Variants in LGR5 observed in about 807,000 individuals in gnomAD.
LGR5 encodes leucine rich repeat containing G protein-coupled receptor 5.
A neutral mutation model predicts 76.7 loss-of-function variants in LGR5; 54 were observed. That is an observed-to-expected ratio of 0.70 (90% CI 0.57 to 0.88). The LOEUF is 0.88. LGR5 is among the 40% of genes least tolerant of loss of function. The pLI is 0.00. For missense variants in LGR5, 1,078 were observed against 1,073.3 expected, an observed-to-expected ratio of 1.00 and a Z score of -0.06; for synonymous variants, 406 against 421.9, an observed-to-expected ratio of 0.96 and a Z score of 0.46.
intron 16 of LGR5, chr12:71,582,186 C>T: frequency 5.5e-6 from 2 of 364,482 alleles, no homozygotes; most frequent in East Asian, 5.0e-5. Context: ...ACATCATGAG[C>T]TGCAGGGAAC....
At chr12:71,514,930 G>A (rs747980696) in intron 2 of LGR5, among the ~76,000 whole-genome samples, 5 of 152,086 alleles carry the variant, frequency 3.3e-5, no homozygotes, top group Admixed American at 6.6e-5. Flanking sequence ...TCTCAAATGG[G>A]GAGAAAATTA....
intron 16 of LGR5, among the ~76,000 whole-genome samples, chr12:71,580,761 C>G (rs1195752751): frequency 6.6e-6 from 1 of 151,974 alleles, no homozygotes; most frequent in African/African-American, 2.4e-5. Flanking sequence ...GAGCTGAGAT[C>G]ACGCCACTGC....
intron 2 of LGR5, among the ~76,000 whole-genome samples, chr12:71,519,729 G>A (rs1399765557): frequency 6.6e-6 from 1 of 152,100 alleles, no homozygotes; most frequent in African/African-American, 2.4e-5. Context: ...GTGGGGCTGA[G>A]GCAGGAAGAT....
Position 71,577,997 on chromosome 12 carries a change from G to A in LGR5, c.1280+1G>A. On this transcript the variant is annotated splice_donor_variant, in intron 14 of 17. Transcript: ENST00000266674. LOFTEE classifies it high-confidence loss of function. ...CCACTTTGCCATCCCTAATAAAGCT[G>A]TGAGTATTCCACAACTTGTTTATGG... The A allele has an allele frequency of 6.2e-7, 1 of 1,605,238 alleles. No individual in the cohort carries two copies. Among genetic ancestry groups the A allele is most frequent in the Non-Finnish European group, 8.5e-7 (1 of 1,172,030 alleles).
chr12:71,498,052 G>C (rs910915715), intron 1 of LGR5, among the ~76,000 whole-genome samples: 30 of 152,128 alleles, frequency 2.0e-4, no homozygotes, highest in East Asian at 5.8e-4. Flanking sequence ...AGAAAAGAAG[G>C]GGGGAGCAGA....
chr12:71,458,121 T>G (rs928973340), intron 1 of LGR5, among the ~76,000 whole-genome samples: 1 of 152,184 alleles, frequency 6.6e-6, no homozygotes, highest in South Asian at 2.1e-4. Context: ...AATCTACTAT[T>G]TAGTGTTACT....
chr12:71,449,552 C>T (rs2137205655), intron 1 of LGR5, among the ~76,000 whole-genome samples: 1 of 152,268 alleles, frequency 6.6e-6, no homozygotes, highest in African/African-American at 2.4e-5. Flanking sequence ...GTCCACCTTC[C>T]ACCTCCCAGC....
intron 1 of LGR5, among the ~76,000 whole-genome samples, chr12:71,479,768 AG>A (rs1201759710): frequency 6.6e-6 from 1 of 152,228 alleles, no homozygotes; most frequent in East Asian, 1.9e-4. Flanking sequence ...GAGAAAGGAA[AG>A]GGCTTGGGGT....
chr12:71,561,561 T>C (rs1034375574), intron 7 of LGR5, among the ~76,000 whole-genome samples: 1 of 152,212 alleles, frequency 6.6e-6, no homozygotes, highest in Non-Finnish European at 1.5e-5. Context: ...CAGTTATTAT[T>C]TTCAGATTCT....
chr12:71,493,715 C>A (rs1874179627), intron 1 of LGR5, among the ~76,000 whole-genome samples: 2 of 150,504 alleles, frequency 1.3e-5, no homozygotes, highest in East Asian at 3.9e-4. Flanking sequence ...CTTACTGTTG[C>A]CCTCAATTTA....
chr12:71,487,339 T>C (rs1873872958), intron 1 of LGR5, among the ~76,000 whole-genome samples: 1 of 152,194 alleles, frequency 6.6e-6, no homozygotes, highest in South Asian at 2.1e-4. Flanking sequence ...AAAGTATTAA[T>C]TTTATACAGT....
At chr12:71,447,767 G>A (rs1485736126) in intron 1 of LGR5, among the ~76,000 whole-genome samples, 4 of 152,190 alleles carry the variant, frequency 2.6e-5, no homozygotes, top group African/African-American at 4.8e-5. Context: ...GTGAAGGGCC[G>A]ACCCTTTACA....
At chr12:71,520,357 TAGAC>T (rs1565715471) in intron 2 of LGR5, among the ~76,000 whole-genome samples, 1 of 152,054 alleles carries the variant, frequency 6.6e-6, no homozygotes, top group African/African-American at 2.4e-5. Flanking sequence ...AGCAAGTTCA[TAGAC>T]AGAGGATGTA....
chr12:71,538,604 G>A (rs1381052302), intron 4 of LGR5, among the ~76,000 whole-genome samples: 1 of 152,178 alleles, frequency 6.6e-6, no homozygotes, highest in African/African-American at 2.4e-5. Context: ...CATTCCCTCA[G>A]ATGATCTGCA....
intron 1 of LGR5, among the ~76,000 whole-genome samples, chr12:71,485,228 G>T (rs531465688): frequency 7.9e-5 from 12 of 152,270 alleles, no homozygotes; most frequent in Admixed American, 1.3e-4. Context: ...ACTAGGTATT[G>T]TTTTAAGTAC....
At chr12:71,510,055 A>AT (rs1374095755) in intron 2 of LGR5, among the ~76,000 whole-genome samples, 2 of 152,052 alleles carry the variant, frequency 1.3e-5, no homozygotes, top group African/African-American at 4.8e-5. Flanking sequence ...GTCTTTTGAG[A>AT]TTTTTTTCTT....
intron 4 of LGR5, among the ~76,000 whole-genome samples, chr12:71,540,257 G>C (rs1171482002): frequency 6.6e-6 from 1 of 152,178 alleles, no homozygotes; most frequent in African/African-American, 2.4e-5. Flanking sequence ...GCATATTCAT[G>C]TTTGTCCAGA....
intron 1 of LGR5, among the ~76,000 whole-genome samples, chr12:71,490,634 C>G (rs1874026794): frequency 6.6e-6 from 1 of 152,098 alleles, no homozygotes; most frequent in African/African-American, 2.4e-5. Context: ...TCTAATTTAG[C>G]TGCTGCTGCA....
chr12:71,444,187 A>C (rs1485185608), intron 1 of LGR5, among the ~76,000 whole-genome samples: 2 of 152,104 alleles, frequency 1.3e-5, no homozygotes, highest in African/African-American at 4.8e-5. Context: ...GTACTTTAGA[A>C]ATGATTACAA....
Sources: gnomAD v4.1 joint callset for allele counts (sites outside exome capture counted in the v4.1 genomes callset) on GRCh38, gnomAD v4.1.1 for gene constraint, MANE v1.5 for transcripts, NCBI Gene and HGNC (gene_info 2026-07-23, HGNC 2026-07-21) for gene names.